DPF2: variants seen among roughly 807,000 people sequenced by gnomAD.
DPF2 encodes double PHD fingers 2.
In DPF2, 10 loss-of-function variants were observed where a neutral mutation model predicts 59.6. That is an observed-to-expected ratio of 0.17 (90% CI 0.10 to 0.28). The LOEUF is 0.28. Ranked by LOEUF, DPF2 falls within the 10% of genes least tolerant of loss-of-function variation. DPF2 has a pLI of 1.00. For synonymous variants in DPF2, 189 were observed against 190.6 expected, an observed-to-expected ratio of 0.99 and a Z score of 0.07; for missense variants, 315 against 509.4, an observed-to-expected ratio of 0.62 and a Z score of 3.67.
At chr11:65,351,602 A>G in intron 10 of DPF2, 81 bp from the exon 11 acceptor site, 1 of 1,203,552 alleles carries the variant, frequency 8.3e-7, no homozygotes, top group South Asian at 1.2e-5. Context: ...TGCTATAGAG[A>G]TGGGGTATCA....
intron 1 of DPF2, among the ~76,000 whole-genome samples, chr11:65,337,540 GA>G (rs1461101886): frequency 8.3e-5 from 11 of 132,086 alleles, no homozygotes; most frequent in African/African-American, 2.3e-4. Context: ...GAGAGAGAGA[GA>G]GAGAGAACAA....
At chr11:65,344,985 A>T in intron 6 of DPF2, 3 of 286,198 alleles carry the variant, frequency 1.0e-5, no homozygotes, top group South Asian at 1.0e-4. Context: ...CTCTCTCCCC[A>T]CTCCTTTCCT....
At chr11:65,337,966 G>A (rs1482679218) in intron 1 of DPF2, among the ~76,000 whole-genome samples, 2 of 151,816 alleles carry the variant, frequency 1.3e-5, no homozygotes, top group African/African-American at 2.4e-5. Flanking sequence ...CACCACGCCC[G>A]GCTAATTTTG....
At chr11:65,343,508 T>C (rs1184173399) in intron 4 of DPF2, 4 of 535,566 alleles carry the variant, frequency 7.5e-6, no homozygotes, top group Non-Finnish European at 1.3e-5. Flanking sequence ...TGTGGCATGG[T>C]GGGGAAAGCA....
chr11:65,344,801 C>G (rs1854479760), intron 6 of DPF2: 3 of 676,438 alleles, frequency 4.4e-6, no homozygotes, highest in Non-Finnish European at 7.4e-6. Flanking sequence ...GCTGCCTTTA[C>G]CACTGCTTGT....
chr11:65,350,374 CTT>C (rs529951680), intron 10 of DPF2, among the ~76,000 whole-genome samples: 13 of 128,720 alleles, frequency 1.0e-4, no homozygotes, highest in Non-Finnish European at 9.9e-5. Context: ...TTCTTTCTTT[CTT>C]TTTTTTTTTT....
intron 1 of DPF2, among the ~76,000 whole-genome samples, chr11:65,337,494 TATATATATATAGAGAGAGAGAGAGAG>T (rs1175799378): frequency 1.6e-5 from 1 of 62,570 alleles, no homozygotes; most frequent in Admixed American, 2.0e-4. Flanking sequence ...TATATATATA[TATATATATATAGAGAGAGAGAGAGAG>T]AGAGAGAGAG....
At chr11:65,338,044 G>A (rs188495823) in intron 1 of DPF2, among the ~76,000 whole-genome samples, 88 of 152,184 alleles carry the variant, frequency 5.8e-4, no homozygotes, top group African/African-American at 1.9e-3. Flanking sequence ...CAGGTGATCC[G>A]TCCACCTCAG....
chr11:65,340,234 C>T, intron 1 of DPF2, 151 bp from the exon 2 acceptor site: 3 of 803,220 alleles, frequency 3.7e-6, no homozygotes, highest in Middle Eastern at 3.9e-4. Flanking sequence ...CTTCGTGTCC[C>T]ATGAGGCAGA....
At chr11:65,336,862 G>A (rs1180964888) in intron 1 of DPF2, among the ~76,000 whole-genome samples, 5 of 151,456 alleles carry the variant, frequency 3.3e-5, no homozygotes, top group African/African-American at 9.7e-5. Context: ...AGGCTGAGGC[G>A]GGCGGATCAC....
At chr11:65,345,571 C>T (rs1854503493) in intron 6 of DPF2, 95 bp from the exon 7 acceptor site, 3 of 1,543,156 alleles carry the variant, frequency 1.9e-6, no homozygotes, top group Non-Finnish European at 1.8e-6. Context: ...GGATGGTTGC[C>T]CTCTGCCTCA....
intron 4 of DPF2, 149 bp downstream of exon 4, chr11:65,341,711 T>C (rs1854379971): frequency 1.9e-6 from 2 of 1,038,556 alleles, no homozygotes; most frequent in Non-Finnish European, 2.7e-6. Context: ...CCCTGATTAT[T>C]GTCAGGTACT....
intron 1 of DPF2, among the ~76,000 whole-genome samples, chr11:65,334,982 A>G (rs1014077307): frequency 1.3e-5 from 2 of 151,952 alleles, no homozygotes; most frequent in Non-Finnish European, 2.9e-5. Flanking sequence ...GAGCCTTTTT[A>G]AAGAGTAAGT....
At chr11:65,337,504 T>TATAGAGAGAGAGAG (rs1282367012) in intron 1 of DPF2, among the ~76,000 whole-genome samples, 6 of 21,386 alleles carry the variant, frequency 2.8e-4, no homozygotes, top group African/African-American at 3.7e-4. Context: ...TATATATATA[T>TATAGAGAGAGAGAG]AGAGAGAGAG....
intron 1 of DPF2, among the ~76,000 whole-genome samples, chr11:65,334,754 T>G (rs1950073641): frequency 6.6e-6 from 1 of 152,212 alleles, no homozygotes; most frequent in Non-Finnish European, 1.5e-5. Flanking sequence ...AGAATCAGAA[T>G]GAGTTTTAGA....
intron 4 of DPF2, among the ~76,000 whole-genome samples, chr11:65,342,400 T>A (rs1180180904): frequency 6.7e-6 from 1 of 149,918 alleles, no homozygotes; most frequent in East Asian, 2.0e-4. Flanking sequence ...TAGCTCTGCT[T>A]ATGCCTCTGC....
Position 65,341,011 on chromosome 11 carries a change from G to T in DPF2, c.239G>T (p.Arg80Leu). The change falls in exon 3 of 11, where the codon CGG (arginine) becomes CTG (leucine). Residue 80 changes from arginine to leucine, a missense_variant. Transcript: ENST00000528416. ...QLYSYPARRW[R>L]KKRRAHPPED... ...TACTCCTACCCTGCCCGGCGCTGGC[G>T]GAAAAAGCGGCGAGCCCATCCCCCT... 2 of 1,614,032 alleles carry T rather than the reference G, an allele frequency of 1.2e-6. No homozygotes were observed. The highest frequency in any genetic ancestry group is 1.7e-6 in the Non-Finnish European group (2 of 1,180,014).
rs916388630 is a variant in DPF2 at position 65,349,946 on chromosome 11, C to G, written c.1099+1015C>G. ...TGATGTAAGCTGACTTGTAACATAT[C>G]GGTCAAACTGCTGTCACCCCTCTAG... On this transcript the variant is annotated intron_variant, in intron 10 of 10. Transcript: ENST00000528416. 2.0e-5 allele frequency among the ~76,000 whole-genome samples: 3 copies of G among 152,244 alleles called. No homozygotes were observed. In the South Asian group the frequency reaches 6.2e-4, roughly 32 times the overall value.
intron 6 of DPF2, 30 bp downstream of exon 6, chr11:65,344,099 C>T (rs1212951225): frequency 6.2e-7 from 1 of 1,609,198 alleles, no homozygotes; most frequent in Admixed American, 1.7e-5. Context: ...GTGGGTAGAC[C>T]TTGCCTTGGA....
Sources: gnomAD v4.1 joint callset for allele counts (sites outside exome capture counted in the v4.1 genomes callset) on GRCh38, gnomAD v4.1.1 for gene constraint, MANE v1.5 for transcripts, NCBI Gene and HGNC (gene_info 2026-07-23, HGNC 2026-07-21) for gene names.